The following EYS variants were observed in gnomAD, a reference collection of about 807,000 sequenced individuals.
The protein encoded by EYS is EGF-like photoreceptor maintenance factor.
Under a neutral mutation model 282.1 loss-of-function variants are expected in EYS, and 250 were observed. That is an observed-to-expected ratio of 0.89 (90% CI 0.80 to 0.98). EYS has a LOEUF of 0.98. Ranked by LOEUF, EYS falls within the 50% of genes least tolerant of loss-of-function variation. The pLI is 0.00. For synonymous variants in EYS, 1,355 were observed against 1,282.9 expected (o/e 1.06, Z -1.20); for missense variants, 4,016 against 3,709.0 (o/e 1.08, Z -2.15).
intron 30 of EYS, among the ~76,000 whole-genome samples, chr6:64,253,392 A>G (rs2150349361): frequency 6.6e-6 from 1 of 152,298 alleles, no homozygotes; most frequent in Admixed American, 6.5e-5. Flanking sequence ...TAAGTGTTTG[A>G]AAGTCACATC....
intron 36 of EYS, among the ~76,000 whole-genome samples, chr6:63,844,190 C>G (rs1772038191): frequency 6.6e-6 from 1 of 152,118 alleles, no homozygotes; most frequent in Non-Finnish European, 1.5e-5. Context: ...TGAATTCATT[C>G]CTTTTTATGG....
At chr6:64,819,832 A>T (rs1487790483) in intron 21 of EYS, among the ~76,000 whole-genome samples, 2 of 152,012 alleles carry the variant, frequency 1.3e-5, no homozygotes, top group African/African-American at 4.8e-5. Context: ...GATTTTATCT[A>T]TAATTTAAAA....
intron 15 of EYS, among the ~76,000 whole-genome samples, chr6:64,927,282 T>C (rs182730202): frequency 4.9e-4 from 74 of 152,246 alleles, no homozygotes; most frequent in Non-Finnish European, 9.0e-4. Context: ...TGAAAGCTGA[T>C]AGTTACTCGG....
At chr6:64,025,127 G>A (rs1487814505) in intron 33 of EYS, among the ~76,000 whole-genome samples, 3 of 152,010 alleles carry the variant, frequency 2.0e-5, no homozygotes, top group African/African-American at 7.2e-5. Context: ...CTAAATAACC[G>A]GGCACCTGTC....
intron 13 of EYS, among the ~76,000 whole-genome samples, chr6:65,006,272 T>G (rs1485300455): frequency 6.7e-6 from 1 of 149,240 alleles, no homozygotes; most frequent in Non-Finnish European, 1.5e-5. Flanking sequence ...AAAAAAAAAG[T>G]GTTCCCTATT....
chr6:64,822,245 A>G (rs1764920673), intron 20 of EYS, among the ~76,000 whole-genome samples: 1 of 152,020 alleles, frequency 6.6e-6, no homozygotes, highest in African/African-American at 2.4e-5. Context: ...GAGTCATAAA[A>G]TACTTTTCAT....
chr6:64,009,622 T>G (rs1768512572), intron 33 of EYS, among the ~76,000 whole-genome samples: 1 of 152,166 alleles, frequency 6.6e-6, no homozygotes, highest in Admixed American at 6.5e-5. Flanking sequence ...TCATCTTTCA[T>G]CTCCTGTATC....
intron 29 of EYS, chr6:64,379,759 C>T (rs576137862): frequency 2.6e-5 from 4 of 152,170 alleles, no homozygotes; most frequent in African/African-American, 7.2e-5. Flanking sequence ...TATCTTAATA[C>T]AAAGAATGTC....
chr6:64,971,507 A>G (rs548303379), intron 14 of EYS, among the ~76,000 whole-genome samples: 2 of 152,184 alleles, frequency 1.3e-5, no homozygotes, highest in Non-Finnish European at 2.9e-5. Flanking sequence ...GTTGTAAAAC[A>G]TGAAGGCCTG....
intron 30 of EYS, among the ~76,000 whole-genome samples, chr6:64,304,974 A>G (rs1009247466): frequency 6.6e-6 from 1 of 152,152 alleles, no homozygotes; most frequent in Non-Finnish European, 1.5e-5. Flanking sequence ...AAAAAGAAGA[A>G]AGAACAATCT....
intron 19 of EYS, among the ~76,000 whole-genome samples, chr6:64,878,757 ATT>A (rs199550207): frequency 2.3e-4 from 34 of 148,180 alleles, no homozygotes; most frequent in African/African-American, 8.2e-4. Flanking sequence ...GGAAATAAGG[ATT>A]TTTTTTTTTA....
At chr6:63,993,757 C>T (rs1600904) in intron 34 of EYS, among the ~76,000 whole-genome samples, 40,835 of 151,636 alleles carry the variant, frequency 0.27, 6,186 homozygotes, top group Middle Eastern at 0.35. Flanking sequence ...ACAATCCATA[C>T]CAAAATTCCA....
At chr6:64,396,522 G>C (rs185898214) in intron 28 of EYS, among the ~76,000 whole-genome samples, 30 of 151,986 alleles carry the variant, frequency 2.0e-4, no homozygotes, top group Admixed American at 9.8e-4. Flanking sequence ...TGTTGTTCCT[G>C]ACTTACTCCA....
intron 35 of EYS, among the ~76,000 whole-genome samples, chr6:63,899,857 T>C (rs943931209): frequency 2.0e-5 from 3 of 152,214 alleles, no homozygotes; most frequent in African/African-American, 7.2e-5. Flanking sequence ...TGAATGTTTG[T>C]TGAATAAATA....
At chr6:65,571,260 A>AAT (rs957556140) in intron 2 of EYS, among the ~76,000 whole-genome samples, 15 of 151,848 alleles carry the variant, frequency 9.9e-5, no homozygotes, top group Middle Eastern at 3.4e-3. Flanking sequence ...CTTCAGCTAA[A>AAT]ATATATATAT....
intron 2 of EYS, among the ~76,000 whole-genome samples, chr6:65,497,148 AT>A (rs1322942894): frequency 6.6e-6 from 1 of 152,090 alleles, no homozygotes; most frequent in East Asian, 1.9e-4. Context: ...GGTTTAAAAA[AT>A]AATTCAAACA....
At chr6:63,973,514 T>A (rs75866362) in intron 35 of EYS, among the ~76,000 whole-genome samples, 3,890 of 152,272 alleles carry the variant, frequency 0.026, 81 homozygotes, top group South Asian at 0.08. Flanking sequence ...GTCTTTATTA[T>A]TAGTGCCGAT....
chr6:63,958,185 T>C (rs1310348053), intron 35 of EYS, among the ~76,000 whole-genome samples: 1 of 140,814 alleles, frequency 7.1e-6, no homozygotes, highest in African/African-American at 2.4e-5. Flanking sequence ...ATTGAGAGTG[T>C]TCCAGACCTA....
intron 36 of EYS, among the ~76,000 whole-genome samples, chr6:63,863,937 G>C (rs1213014830): frequency 6.6e-6 from 1 of 152,084 alleles, no homozygotes; most frequent in Non-Finnish European, 1.5e-5. Context: ...GCGTCCCAAA[G>C]TGCTGGGATT....
Sources: allele counts gnomAD v4.1 joint callset (sites outside exome capture counted in the v4.1 genomes callset), GRCh38; gene constraint gnomAD v4.1.1; transcripts MANE v1.5; gene names NCBI Gene and HGNC (gene_info 2026-07-23, HGNC 2026-07-21).